The following TTC39B variants were observed in gnomAD, a reference collection of about 807,000 sequenced individuals.
TTC39B encodes the protein tetratricopeptide repeat domain 39B.
Under a neutral mutation model 96.6 loss-of-function variants are expected in TTC39B, and 92 were observed. That is an observed-to-expected ratio of 0.95 (90% CI 0.80 to 1.13). TTC39B has a LOEUF of 1.13. Ranked by LOEUF, TTC39B falls within the 50% of genes most tolerant of loss-of-function variation. The pLI is 0.00. For synonymous variants in TTC39B, 367 were observed against 299.4 expected, an observed-to-expected ratio of 1.23 and a Z score of -2.33; for missense variants, 955 against 809.3, an observed-to-expected ratio of 1.18 and a Z score of -2.18.
At chr9:15,246,484 G>A (rs1412739793) in intron 2 of TTC39B, among the ~76,000 whole-genome samples, 39 of 152,046 alleles carry the variant, frequency 2.6e-4, no homozygotes, top group Admixed American at 2.6e-3. Context: ...GATTATAAAC[G>A]GCCACAAATT....
chr9:15,307,197 G>A (rs764638288), exon 1 of TTC39B: 1 of 1,572,242 alleles, frequency 6.4e-7, no homozygotes, highest in Non-Finnish European at 8.6e-7. Flanking sequence ...CTCGGCTCTG[G>A]GCTCAGCCCA....
At chr9:15,263,900 A>G (rs1823030021) in intron 2 of TTC39B, among the ~76,000 whole-genome samples, 1 of 152,236 alleles carries the variant, frequency 6.6e-6, no homozygotes, top group Non-Finnish European at 1.5e-5. Context: ...AGTCTAAAGG[A>G]CACGAGAAAT....
At chr9:15,300,159 T>C (rs982830887) in intron 1 of TTC39B, among the ~76,000 whole-genome samples, 1 of 152,152 alleles carries the variant, frequency 6.6e-6, no homozygotes, top group African/African-American at 2.4e-5. Context: ...TGGCCCATGC[T>C]CCGCAATCAG....
At chr9:15,236,226 G>A (rs1302764352) in intron 2 of TTC39B, among the ~76,000 whole-genome samples, 1 of 152,024 alleles carries the variant, frequency 6.6e-6, no homozygotes, top group Non-Finnish European at 1.5e-5. Flanking sequence ...GACAAAGAAG[G>A]ACATTATGTA....
chr9:15,198,297 A>C (rs1819300445), intron 8 of TTC39B, among the ~76,000 whole-genome samples: 1 of 151,940 alleles, frequency 6.6e-6, no homozygotes, highest in Non-Finnish European at 1.5e-5. Context: ...TCTTTACTAA[A>C]AATACAAAAA....
intron 2 of TTC39B, among the ~76,000 whole-genome samples, chr9:15,233,394 C>A (rs1821546875): frequency 6.6e-6 from 1 of 152,180 alleles, no homozygotes; most frequent in Non-Finnish European, 1.5e-5. Flanking sequence ...CACGGTCTCC[C>A]TCTGATGCCG....
chr9:15,183,979 G>A (rs937868261), intron 16 of TTC39B, among the ~76,000 whole-genome samples: 6 of 152,278 alleles, frequency 3.9e-5, no homozygotes, highest in African/African-American at 1.4e-4. Flanking sequence ...ACTCCTGTCT[G>A]ACCCCTGTCA....
intron 3 of TTC39B, 58 bp from the exon 4 acceptor site, chr9:15,214,307 C>T: frequency 8.2e-7 from 1 of 1,217,432 alleles, no homozygotes; most frequent in Non-Finnish European, 1.2e-6. Flanking sequence ...AGCAAGTTGT[C>T]CGAAGGGAGT....
chr9:15,233,020 G>C (rs1373878093), intron 2 of TTC39B, among the ~76,000 whole-genome samples: 4 of 152,160 alleles, frequency 2.6e-5, no homozygotes. Flanking sequence ...CATGGCATTT[G>C]TGGATAGGGA....
intron 2 of TTC39B, among the ~76,000 whole-genome samples, chr9:15,233,297 G>A (rs1015886330): frequency 3.9e-5 from 6 of 152,050 alleles, no homozygotes; most frequent in African/African-American, 7.2e-5. Flanking sequence ...CGGAACACAC[G>A]GCGACAAGGA....
rs1820374349 is a variant in TTC39B, at chr9:15,214,255, G to A, written c.372-6C>T. 1 of 1,608,550 alleles carries A rather than the reference G, an allele frequency of 6.2e-7. No homozygotes were observed. Among genetic ancestry groups the A allele is most frequent in the Non-Finnish European group, 8.5e-7 (1 of 1,175,738 alleles). ...CCACCTTGGTTGATGATGAACTAAAGATCAAGAAAAAAGCACAGAGAATTT... is the reference window on the plus strand; with the variant it reads ...CCACCTTGGTTGATGATGAACTAAAAATCAAGAAAAAAGCACAGAGAATTT... On this transcript the variant is annotated splice_polypyrimidine_tract_variant and splice_region_variant and intron_variant, in intron 3 of 19. Coordinates refer to ENST00000512701, the Ensembl canonical transcript of TTC39B.
chr9:15,168,343 T>C (rs1435359050), exon 20 of TTC39B: 1 of 149,514 alleles, frequency 6.7e-6, no homozygotes, highest in Admixed American at 6.8e-5. Context: ...TATTAAAACA[T>C]CACTGGAGTC....
intron 1 of TTC39B, among the ~76,000 whole-genome samples, chr9:15,285,252 G>A: frequency 6.7e-6 from 1 of 149,576 alleles, no homozygotes; most frequent in Non-Finnish European, 1.5e-5. Context: ...CTGGGCGACA[G>A]AGCAAGACTC....
At position 15,178,425 on chromosome 9, in the gene TTC39B, T is replaced by A. The variant is rs546497947; in HGVS notation, c.1724-611A>T. On this transcript the variant is annotated intron_variant, in intron 17 of 19. Coordinates refer to ENST00000512701, the Ensembl canonical transcript of TTC39B. ...CCGTCTCTACAAAAAAAAATTTTTT[T>A]AATTACTGGGCATGATGGCACATGC... Among the ~76,000 whole-genome samples the A allele has an allele frequency of 5.3e-4, 81 of 152,186 alleles. 1 individual carries two copies. Among genetic ancestry groups the A allele is most frequent in the Middle Eastern group, 3.4e-3 (1 of 294 alleles).
chr9:15,297,871 T>C (rs1318056217), intron 1 of TTC39B, among the ~76,000 whole-genome samples: 1 of 152,110 alleles, frequency 6.6e-6, no homozygotes, highest in Non-Finnish European at 1.5e-5. Flanking sequence ...TTACCTGTGA[T>C]GGTTAATTTT....
chr9:15,289,214 AC>A (rs1824090455), intron 1 of TTC39B, among the ~76,000 whole-genome samples: 2 of 152,288 alleles, frequency 1.3e-5, no homozygotes, highest in Admixed American at 1.3e-4. Context: ...TAAAAACAAA[AC>A]CTTTCCTCCC....
At chr9:15,205,265 T>G (rs1819779773) in intron 6 of TTC39B, among the ~76,000 whole-genome samples, 1 of 152,170 alleles carries the variant, frequency 6.6e-6, no homozygotes, top group Non-Finnish European at 1.5e-5. Flanking sequence ...TGGTAAAAGC[T>G]CAGAAAGAAG....
intron 1 of TTC39B, among the ~76,000 whole-genome samples, chr9:15,289,978 A>T (rs1003911781): frequency 2.6e-5 from 4 of 152,182 alleles, no homozygotes; most frequent in Admixed American, 6.5e-5. Context: ...ACACTGACCC[A>T]AAAGCACCCG....
intron 1 of TTC39B, among the ~76,000 whole-genome samples, chr9:15,299,110 C>T (rs1459134986): frequency 6.6e-6 from 1 of 152,228 alleles, no homozygotes; most frequent in Non-Finnish European, 1.5e-5. Context: ...CCACTCTCCA[C>T]TAGACCATAA....
Sources: gnomAD v4.1 joint callset for allele counts (sites outside exome capture counted in the v4.1 genomes callset) on GRCh38, gnomAD v4.1.1 for gene constraint, MANE v1.5 for transcripts, NCBI Gene and HGNC (gene_info 2026-07-23, HGNC 2026-07-21) for gene names.